DOCK2: variants seen among roughly 807,000 people sequenced by gnomAD.
The protein encoded by DOCK2 is dedicator of cytokinesis protein 2.
In DOCK2, 87 loss-of-function variants were observed where a neutral mutation model predicts 248.9. The observed-to-expected ratio is 0.35, with a 90% confidence interval of 0.29 to 0.42. The LOEUF (loss-of-function observed/expected upper bound fraction) is 0.42. Among genes scored for constraint, DOCK2 ranks in the 10% least tolerant of loss-of-function variants. DOCK2 has a pLI of 1.00. For missense variants in DOCK2, 1,747 were observed against 2,300.2 expected (o/e 0.76, Z 4.92); for synonymous variants, 805 against 821.6 (o/e 0.98, Z 0.35).
intron 26 of DOCK2, among the ~76,000 whole-genome samples, chr5:169,808,905 T>A (rs1037088867): frequency 6.6e-6 from 1 of 152,148 alleles, no homozygotes; most frequent in Admixed American, 6.5e-5. Flanking sequence ...AGAATCATCT[T>A]TTTTTAAAAA....
chr5:169,737,873 G>C (rs142814423), intron 22 of DOCK2, among the ~76,000 whole-genome samples: 3 of 152,290 alleles, frequency 2.0e-5, no homozygotes, highest in East Asian at 1.9e-4. Context: ...TGAGTTCTGT[G>C]AGCAGCTCTA....
intron 26 of DOCK2, among the ~76,000 whole-genome samples, chr5:169,824,124 A>G (rs964156613): frequency 6.6e-6 from 1 of 152,158 alleles, no homozygotes; most frequent in African/African-American, 2.4e-5. Flanking sequence ...ATAAAAGAGG[A>G]TACAAAGAAA....
At chr5:169,776,758 C>G (rs1312297234) in intron 25 of DOCK2, among the ~76,000 whole-genome samples, 1 of 152,136 alleles carries the variant, frequency 6.6e-6, no homozygotes. Context: ...AGAGGCTTCC[C>G]CCTTTGCTCG....
At chr5:170,052,047 G>A (rs1205427660) in intron 41 of DOCK2, among the ~76,000 whole-genome samples, 1 of 152,192 alleles carries the variant, frequency 6.6e-6, no homozygotes, top group African/African-American at 2.4e-5. Context: ...CTGAGCCAGG[G>A]AGCACATTAA....
intron 27 of DOCK2, chr5:169,875,766 GCT>G (rs1430840673): frequency 6.5e-6 from 1 of 153,134 alleles, no homozygotes; most frequent in Non-Finnish European, 1.5e-5. Context: ...GTAAGTGGTA[GCT>G]CTCTTCTTTC....
At chr5:169,813,550 T>C (rs1025476538) in intron 26 of DOCK2, among the ~76,000 whole-genome samples, 2 of 151,900 alleles carry the variant, frequency 1.3e-5, no homozygotes, top group Non-Finnish European at 2.9e-5. Context: ...ACAAGAAAAA[T>C]CCAGAGACCC....
At chr5:170,075,914 C>T in intron 46 of DOCK2, 33 bp from the exon 47 acceptor site, 1 of 1,612,360 alleles carries the variant, frequency 6.2e-7, no homozygotes, top group South Asian at 1.1e-5. Context: ...CACCGGTCAG[C>T]CTCTGGCTCA....
At position 170,080,149 on chromosome 5, in the gene DOCK2, G is replaced by C; in HGVS notation, c.5167-14G>C. ...CTTTGTGTGTGTGTGTGTGTGTCTG[G>C]TGTATTCCTCCAGCTTTCCAGGAAG... On this transcript the variant is annotated splice_polypyrimidine_tract_variant and intron_variant, in intron 49 of 51. Coordinates refer to ENST00000520908, the MANE Select transcript of DOCK2 (RefSeq NM_004946.3). 1 of 1,613,774 alleles carries C rather than the reference G, an allele frequency of 6.2e-7. No individual in the cohort carries two copies. Among genetic ancestry groups the C allele is most frequent in the Non-Finnish European group, 8.5e-7 (1 of 1,179,902 alleles).
intron 34 of DOCK2, 58 bp from the exon 35 acceptor site, chr5:170,034,341 C>T: frequency 6.2e-7 from 1 of 1,600,762 alleles, no homozygotes; most frequent in Non-Finnish European, 8.5e-7. Flanking sequence ...CGCCCACTGG[C>T]CCCAGCACAG....
At position 169,802,987 on chromosome 5, in the gene DOCK2, T is replaced by C. The variant is rs1301451906; in HGVS notation, c.2555-71T>C. 20 of 1,519,346 alleles carry C rather than the reference T, an allele frequency of 1.3e-5. No homozygotes were observed. The Admixed American group carries it at 2.4e-4, about 18-fold the overall frequency. The allele number at this position is 1,519,346 out of a possible 1,614,324, so 94.1% of individuals were successfully genotyped here. On this transcript the variant is annotated intron_variant, in intron 25 of 51. Coordinates refer to ENST00000520908, the MANE Select transcript of DOCK2 (RefSeq NM_004946.3). ...GAACTATTTATTTAATGAAACATTG[T>C]ATGCATATATGAAAGAAAAGAAACT...
chr5:170,041,934 C>T, intron 37 of DOCK2, 79 bp from the exon 38 acceptor site: 1 of 1,531,360 alleles, frequency 6.5e-7, no homozygotes, highest in African/African-American at 1.4e-5. Context: ...CAGGGTGGTT[C>T]CTGCCTTTAA....
intron 25 of DOCK2, among the ~76,000 whole-genome samples, chr5:169,780,294 AATGT>A (rs1231989828): frequency 2.8e-5 from 3 of 107,448 alleles, no homozygotes; most frequent in African/African-American, 1.3e-4. Flanking sequence ...CAACCCAATA[AATGT>A]GTGTGTGTGT....
intron 27 of DOCK2, among the ~76,000 whole-genome samples, chr5:169,868,713 G>A (rs1441268905): frequency 6.6e-6 from 1 of 152,186 alleles, no homozygotes; most frequent in Non-Finnish European, 1.5e-5. Context: ...AGCTATGAGT[G>A]CACCACTGCA....
intron 46 of DOCK2, among the ~76,000 whole-genome samples, chr5:170,072,291 G>A (rs1302273724): frequency 6.6e-6 from 1 of 152,142 alleles, no homozygotes; most frequent in African/African-American, 2.4e-5. Flanking sequence ...TACTGTATCT[G>A]TAGCTTCTTT....
intron 37 of DOCK2, among the ~76,000 whole-genome samples, chr5:170,041,468 T>TG (rs1367224949): frequency 6.6e-6 from 1 of 152,180 alleles, no homozygotes; most frequent in Non-Finnish European, 1.5e-5. Flanking sequence ...TAGCTGTAGC[T>TG]GGGAAAAAAA....
chr5:170,001,589 T>C (rs1754834133), intron 30 of DOCK2, among the ~76,000 whole-genome samples: 1 of 152,128 alleles, frequency 6.6e-6, no homozygotes, highest in Non-Finnish European at 1.5e-5. Context: ...ATGGGGAGAA[T>C]AATTATACAA....
intron 26 of DOCK2, among the ~76,000 whole-genome samples, chr5:169,816,066 T>A (rs923555795): frequency 3.3e-5 from 5 of 152,192 alleles, no homozygotes; most frequent in Admixed American, 1.3e-4. Flanking sequence ...GAGACATGAG[T>A]TAAAAGCCCT....
intron 25 of DOCK2, among the ~76,000 whole-genome samples, chr5:169,784,576 T>C (rs2113021681): frequency 6.6e-6 from 1 of 152,372 alleles, no homozygotes; most frequent in African/African-American, 2.4e-5. Flanking sequence ...GGGAAGTTCA[T>C]TCATTCAATT....
chr5:169,958,312 G>C (rs1260858723), intron 27 of DOCK2, among the ~76,000 whole-genome samples: 1 of 152,132 alleles, frequency 6.6e-6, no homozygotes, highest in African/African-American at 2.4e-5. Context: ...TATGGTCTTT[G>C]CCTTCCTTCT....
Sources: allele counts gnomAD v4.1 joint callset (sites outside exome capture counted in the v4.1 genomes callset), GRCh38; gene constraint gnomAD v4.1.1; transcripts MANE v1.5; gene names NCBI Gene and HGNC (gene_info 2026-07-23, HGNC 2026-07-21).